The following MAD1L1 variants were observed in gnomAD, a reference collection of about 807,000 sequenced individuals.
The protein encoded by MAD1L1 is mitotic spindle assembly checkpoint protein MAD1.
MAD1L1 carries 95 observed loss-of-function variants against 96.9 expected under a neutral mutation model. The ratio of observed to expected loss-of-function variants is 0.98; its 90% CI spans 0.83 to 1.16. The LOEUF is 1.16. MAD1L1 is among the 50% of genes most tolerant of loss of function. The pLI is 0.00. For synonymous variants in MAD1L1, 473 were observed against 396.6 expected, an observed-to-expected ratio of 1.19 and a Z score of -2.29; for missense variants, 1,007 against 954.4, an observed-to-expected ratio of 1.06 and a Z score of -0.73.
At chr7:1,914,337 C>T (rs886635057) in intron 17 of MAD1L1, among the ~76,000 whole-genome samples, 4 of 152,220 alleles carry the variant, frequency 2.6e-5, no homozygotes, top group Middle Eastern at 3.2e-3. Flanking sequence ...AGACCACGGG[C>T]GTTCCTGCAT....
intron 11 of MAD1L1, among the ~76,000 whole-genome samples, chr7:2,078,884 C>T (rs2128536830): frequency 6.6e-6 from 1 of 152,364 alleles, no homozygotes; most frequent in South Asian, 2.1e-4. Flanking sequence ...GCCACCGTGT[C>T]CCCCAGGACA....
chr7:2,013,563 T>G (rs956225306), intron 13 of MAD1L1, among the ~76,000 whole-genome samples: 9 of 152,050 alleles, frequency 5.9e-5, no homozygotes, highest in Admixed American at 1.3e-4. Context: ...TAGGATACGG[T>G]GACAATGAGA....
intron 10 of MAD1L1, among the ~76,000 whole-genome samples, chr7:2,207,939 A>G (rs1277501934): frequency 6.6e-6 from 1 of 152,170 alleles, no homozygotes; most frequent in Non-Finnish European, 1.5e-5. Context: ...GAGTGTGCAG[A>G]TGAGGCTGCA....
At chr7:2,219,559 G>A (rs1236755351) in intron 5 of MAD1L1, 103 bp from the exon 6 acceptor site, 10 of 1,307,338 alleles carry the variant, frequency 7.6e-6, no homozygotes, top group Non-Finnish European at 1.1e-5. Flanking sequence ...CACCACCCAC[G>A]TGCTATAATC....
intron 10 of MAD1L1, among the ~76,000 whole-genome samples, chr7:2,152,690 C>T (rs998562448): frequency 6.6e-6 from 1 of 152,230 alleles, no homozygotes; most frequent in East Asian, 1.9e-4. Flanking sequence ...TCCCTACCTG[C>T]TCGGCTGGGC....
At chr7:2,008,299 C>T (rs1413334060) in intron 13 of MAD1L1, among the ~76,000 whole-genome samples, 1 of 152,192 alleles carries the variant, frequency 6.6e-6, no homozygotes, top group Non-Finnish European at 1.5e-5. Context: ...CAGGAAACCG[C>T]ATCTGTGATG....
rs139248102 is a variant in MAD1L1 at position 1,846,233 on chromosome 7, G to A, written c.1999-30005C>T. The A allele has an allele frequency of 3.4e-3, 512 of 152,660 alleles. 2 individuals are homozygous for A. Among genetic ancestry groups the A allele is most frequent in the Non-Finnish European group, 5.6e-3 (381 of 68,088 alleles). 9.5% of individuals were successfully genotyped at this position (152,660 alleles called of 1,614,324 possible). On this transcript the variant is annotated intron_variant, in intron 18 of 18. Transcript: ENST00000265854. ...CAGGGGCTGGTCAGCAGCACAGGCC[G>A]CCCCCGGCGCTGCAGTCCTGGACGT...
intron 18 of MAD1L1, among the ~76,000 whole-genome samples, chr7:1,850,115 G>A (rs1421324849): frequency 6.6e-6 from 1 of 152,146 alleles, no homozygotes; most frequent in Non-Finnish European, 1.5e-5. Flanking sequence ...ACTCTCGTTC[G>A]CCTTAATCTG....
intron 18 of MAD1L1, among the ~76,000 whole-genome samples, chr7:1,850,882 G>A (rs1783932842): frequency 6.6e-6 from 1 of 152,164 alleles, no homozygotes; most frequent in African/African-American, 2.4e-5. Context: ...AGGGCACACC[G>A]AAACCTGCCT....
chr7:1,847,488 C>A (rs747150182), intron 18 of MAD1L1: 1 of 470,996 alleles, frequency 2.1e-6, no homozygotes, highest in African/African-American at 2.0e-5. Flanking sequence ...CCCCACTGGG[C>A]GGCCACTGCA....
chr7:2,226,754 C>T (rs113048161), intron 3 of MAD1L1, among the ~76,000 whole-genome samples: 4,566 of 152,258 alleles, frequency 0.03, 112 homozygotes, highest in South Asian at 0.055. Flanking sequence ...CTTTGAGAGG[C>T]CAAGGCGGGT....
chr7:1,874,538 C>T (rs1006183870), intron 18 of MAD1L1: 26 of 454,846 alleles, frequency 5.7e-5, no homozygotes, highest in Admixed American at 3.5e-4. Flanking sequence ...TGGCTGAGTG[C>T]GGCTTCCTTA....
intron 18 of MAD1L1, among the ~76,000 whole-genome samples, chr7:1,850,637 G>A (rs943730598): frequency 2.0e-5 from 3 of 152,144 alleles, no homozygotes; most frequent in South Asian, 2.1e-4. Context: ...ACCCAGGTCC[G>A]GGGACCCCCA....
At chr7:2,016,572 C>T (rs1782550659) in intron 12 of MAD1L1, among the ~76,000 whole-genome samples, 1 of 152,164 alleles carries the variant, frequency 6.6e-6, no homozygotes, top group South Asian at 2.1e-4. Flanking sequence ...CCTGCCAGGC[C>T]CTCGGTCTAT....
chr7:1,892,028 C>T (rs1237890802), intron 18 of MAD1L1, among the ~76,000 whole-genome samples: 1 of 152,214 alleles, frequency 6.6e-6, no homozygotes, highest in Non-Finnish European at 1.5e-5. Flanking sequence ...CCAGAGCACC[C>T]GCCAGCCCTG....
intron 10 of MAD1L1, among the ~76,000 whole-genome samples, chr7:2,181,749 A>C (rs1352223986): frequency 6.6e-6 from 1 of 152,234 alleles, no homozygotes; most frequent in African/African-American, 2.4e-5. Context: ...ACAATTTGCA[A>C]CTGCAAAGAT....
At chr7:1,998,802 C>G (rs1432847203) in intron 14 of MAD1L1, among the ~76,000 whole-genome samples, 1 of 151,380 alleles carries the variant, frequency 6.6e-6, no homozygotes, top group Non-Finnish European at 1.5e-5. Flanking sequence ...CACCTGCACT[C>G]AGGGGAACCA....
intron 11 of MAD1L1, among the ~76,000 whole-genome samples, chr7:2,074,901 C>T (rs1412167459): frequency 6.6e-6 from 1 of 152,122 alleles, no homozygotes; most frequent in Admixed American, 6.5e-5. Context: ...GGTGTCAGAG[C>T]CGGGGACGCT....
chr7:1,851,561 G>A (rs1289716744), intron 18 of MAD1L1, among the ~76,000 whole-genome samples: 1 of 152,196 alleles, frequency 6.6e-6, no homozygotes, highest in Middle Eastern at 3.4e-3. Context: ...CTGAAAACTC[G>A]AGGAATGCAC....
Sources: gnomAD v4.1 joint callset for allele counts (sites outside exome capture counted in the v4.1 genomes callset) on GRCh38, gnomAD v4.1.1 for gene constraint, MANE v1.5 for transcripts, NCBI Gene and HGNC (gene_info 2026-07-23, HGNC 2026-07-21) for gene names.